GPC5: variants seen among roughly 807,000 people sequenced by gnomAD.
GPC5 encodes the protein glypican-5.
GPC5 carries 47 observed loss-of-function variants against 53.9 expected under a neutral mutation model. The ratio of observed to expected loss-of-function variants is 0.87; its 90% CI spans 0.69 to 1.11. The LOEUF (loss-of-function observed/expected upper bound fraction) is 1.11, where lower values mean the gene tolerates loss of function less well. Ranked by LOEUF, GPC5 falls within the 50% of genes most tolerant of loss-of-function variation. The probability of loss-of-function intolerance (pLI) is 0.00; values close to 1 mark genes in which losing one functional copy is unlikely to be tolerated. For synonymous variants in GPC5, 286 were observed against 263.3 expected, an observed-to-expected ratio of 1.09 and a Z score of -0.84; for missense variants, 748 against 713.1, an observed-to-expected ratio of 1.05 and a Z score of -0.56.
rs144060941 is a variant in GPC5, at chr13:92,819,033, C to T, written c.1562-47249C>T. Among the ~76,000 whole-genome samples, 1,251 of 152,010 alleles carry T rather than the reference C, an allele frequency of 8.2e-3. 9 individuals are homozygous for T. Among genetic ancestry groups the T allele is most frequent in the Non-Finnish European group, 0.012 (818 of 68,004 alleles). On this transcript the variant is annotated intron_variant, in intron 7 of 7. Coordinates refer to ENST00000377067, the MANE Select transcript of GPC5 (RefSeq NM_004466.6). ...AATACAAAAGGGGAAAATAAAACCT[C>T]GTATAGAAAGTACCAGTGTTTTAAG...
intron 7 of GPC5, among the ~76,000 whole-genome samples, chr13:92,409,259 T>C (rs1189581579): frequency 6.6e-6 from 1 of 151,526 alleles, no homozygotes. Flanking sequence ...TAAACAAAAA[T>C]TAAATATCCT....
intron 5 of GPC5, among the ~76,000 whole-genome samples, chr13:91,826,126 G>A (rs1244645592): frequency 1.3e-5 from 2 of 151,288 alleles, no homozygotes; most frequent in African/African-American, 4.9e-5. Context: ...AAATATGCAT[G>A]CAAGGAAATA....
chr13:92,646,583 A>T (rs1885777733), intron 7 of GPC5, among the ~76,000 whole-genome samples: 1 of 152,118 alleles, frequency 6.6e-6, no homozygotes, highest in Non-Finnish European at 1.5e-5. Context: ...ATTGAATTGA[A>T]TTTATAAATA....
At chr13:92,589,934 G>A (rs1236629751) in intron 7 of GPC5, among the ~76,000 whole-genome samples, 1 of 152,184 alleles carries the variant, frequency 6.6e-6, no homozygotes, top group Non-Finnish European at 1.5e-5. Flanking sequence ...TGTTGTTCGG[G>A]CTGTGTGGCC....
At chr13:92,803,852 T>C (rs1406517751) in intron 7 of GPC5, among the ~76,000 whole-genome samples, 1 of 152,000 alleles carries the variant, frequency 6.6e-6, no homozygotes, top group Non-Finnish European at 1.5e-5. Flanking sequence ...CTTAGAATCA[T>C]GGAGACATCA....
intron 7 of GPC5, among the ~76,000 whole-genome samples, chr13:92,321,104 C>T (rs889000520): frequency 1.3e-5 from 2 of 152,026 alleles, no homozygotes; most frequent in Admixed American, 6.6e-5. Context: ...ACTCAGGCTA[C>T]CTTTTAACAC....
chr13:92,667,362 C>T (rs1419618096), intron 7 of GPC5, among the ~76,000 whole-genome samples: 2 of 151,898 alleles, frequency 1.3e-5, no homozygotes, highest in Non-Finnish European at 2.9e-5. Flanking sequence ...GGAAAAGAGG[C>T]CACAGTTTGG....
intron 7 of GPC5, among the ~76,000 whole-genome samples, chr13:92,511,285 T>C (rs1048668490): frequency 4.6e-5 from 7 of 152,208 alleles, no homozygotes; most frequent in African/African-American, 1.7e-4. Context: ...TTATTCTTGG[T>C]TCTTCATTTC....
intron 6 of GPC5, among the ~76,000 whole-genome samples, chr13:91,983,528 G>T (rs2040379824): frequency 6.6e-6 from 1 of 152,066 alleles, no homozygotes; most frequent in Non-Finnish European, 1.5e-5. Context: ...TCCTAAAAGA[G>T]GAAGGAACTA....
chr13:92,509,400 T>C (rs1880485847), intron 7 of GPC5: 1 of 152,232 alleles, frequency 6.6e-6, no homozygotes, highest in Admixed American at 6.5e-5. Flanking sequence ...TCTGCTATTG[T>C]CTCATTATCT....
intron 5 of GPC5, among the ~76,000 whole-genome samples, chr13:91,885,225 T>G (rs1313788196): frequency 3.9e-5 from 6 of 152,200 alleles, no homozygotes; most frequent in Non-Finnish European, 2.9e-5. Context: ...TCTTTGTATT[T>G]GGGTAAAGGC....
chr13:91,523,587 T>C (rs937810085), intron 2 of GPC5, among the ~76,000 whole-genome samples: 3 of 152,182 alleles, frequency 2.0e-5, no homozygotes, highest in African/African-American at 2.4e-5. Context: ...GGGTTTAGAA[T>C]TGGGGGACTG....
At chr13:92,673,867 G>A (rs1389514739) in intron 7 of GPC5, among the ~76,000 whole-genome samples, 3 of 151,932 alleles carry the variant, frequency 2.0e-5, no homozygotes, top group Non-Finnish European at 4.4e-5. Flanking sequence ...TTCAAATCAA[G>A]GCTAGCTACC....
At chr13:91,946,435 T>A (rs1313873089) in intron 6 of GPC5, among the ~76,000 whole-genome samples, 1 of 152,166 alleles carries the variant, frequency 6.6e-6, no homozygotes, top group Non-Finnish European at 1.5e-5. Flanking sequence ...CTGTTTTAGG[T>A]TTTACTCTCT....
chr13:92,002,807 C>G (rs2040567570), intron 6 of GPC5, among the ~76,000 whole-genome samples: 1 of 152,146 alleles, frequency 6.6e-6, no homozygotes, highest in South Asian at 2.1e-4. Context: ...AAAAACAGAC[C>G]CTTTCTTTAT....
intron 6 of GPC5, among the ~76,000 whole-genome samples, chr13:91,911,565 C>A (rs2039610966): frequency 6.6e-6 from 1 of 151,856 alleles, no homozygotes; most frequent in South Asian, 2.1e-4. Flanking sequence ...TAAATAATCA[C>A]AACTTTAATA....
At chr13:92,163,500 C>G (rs569411195) in intron 7 of GPC5, among the ~76,000 whole-genome samples, 95 of 149,924 alleles carry the variant, frequency 6.3e-4, no homozygotes, top group African/African-American at 2.3e-3. Flanking sequence ...ATAGGAAAGT[C>G]ACAACATGTA....
intron 5 of GPC5, among the ~76,000 whole-genome samples, chr13:91,834,555 C>G (rs1474212041): frequency 6.6e-6 from 1 of 152,046 alleles, no homozygotes; most frequent in African/African-American, 2.4e-5. Flanking sequence ...GATATATAGA[C>G]CAATGGAACA....
intron 6 of GPC5, among the ~76,000 whole-genome samples, chr13:91,982,333 T>A (rs1459760947): frequency 6.6e-6 from 1 of 152,224 alleles, no homozygotes; most frequent in East Asian, 1.9e-4. Context: ...TTCAGGATTA[T>A]TTGACATAGC....
Sources: allele counts gnomAD v4.1 joint callset (sites outside exome capture counted in the v4.1 genomes callset), GRCh38; gene constraint gnomAD v4.1.1; transcripts MANE v1.5; gene names NCBI Gene and HGNC (gene_info 2026-07-23, HGNC 2026-07-21).